Variants in EMSY observed in about 807,000 individuals in gnomAD.
The protein encoded by EMSY is BRCA2-interacting transcriptional repressor EMSY.
Under a neutral mutation model 134.6 loss-of-function variants are expected in EMSY, and 26 were observed. The observed-to-expected ratio is 0.19, with a 90% CI of 0.14 to 0.27. The LOEUF (loss-of-function observed/expected upper bound fraction) is 0.27, where lower values mean the gene tolerates loss of function less well. EMSY is among the 10% of genes least tolerant of loss of function. The pLI, the probability that EMSY is intolerant of heterozygous loss-of-function variation, is 1.00. For synonymous variants in EMSY, 579 were observed against 577.8 expected, an observed-to-expected ratio of 1.00 and a Z score of -0.03; for missense variants, 1,305 against 1,611.4, an observed-to-expected ratio of 0.81 and a Z score of 3.26.
intron 15 of EMSY, among the ~76,000 whole-genome samples, chr11:76,536,436 AGCAGGAG>A (rs1951227209): frequency 6.6e-6 from 1 of 152,254 alleles, no homozygotes; most frequent in African/African-American, 2.4e-5. Context: ...ATTGAAGAAT[AGCAGGAG>A]GCAGATTGAA....
At position 76,545,003 on chromosome 11, in the gene EMSY, A is replaced by G. The variant is rs1221298950; in HGVS notation, c.3273+181A>G. ...TTGACATTAGGGAAGAAATGCACGC[A>G]TTAATATGTAGGAAGAAAAAAAAGC... On this transcript the variant is annotated intron_variant, in intron 19 of 20. Transcript: ENST00000334736. The G allele has an allele frequency of 1.0e-5, 7 of 673,404 alleles. No homozygotes were observed. The African/African-American group carries it at 1.1e-4, about 10-fold the overall frequency. 41.7% of individuals were successfully genotyped at this position (673,404 alleles called of 1,614,324 possible).
At chr11:76,490,667 T>C (rs772362286) in intron 8 of EMSY, among the ~76,000 whole-genome samples, 1 of 152,244 alleles carries the variant, frequency 6.6e-6, no homozygotes, top group Non-Finnish European at 1.5e-5. Flanking sequence ...TGCTTCAAAC[T>C]GGTGATTTTC....
At chr11:76,514,634 A>T (rs959386329) in intron 10 of EMSY, among the ~76,000 whole-genome samples, 1 of 152,204 alleles carries the variant, frequency 6.6e-6, no homozygotes, top group African/African-American at 2.4e-5. Context: ...TCAAATATAT[A>T]GTTCATTGGC....
At chr11:76,486,012 C>G (rs1203259019) in intron 8 of EMSY, among the ~76,000 whole-genome samples, 1 of 152,196 alleles carries the variant, frequency 6.6e-6, no homozygotes, top group African/African-American at 2.4e-5. Context: ...AAATGCCCAT[C>G]AGTGGTAGAC....
chr11:76,451,805 A>G (rs1462418276), intron 2 of EMSY, 53 bp from the exon 3 acceptor site: 21 of 1,118,940 alleles, frequency 1.9e-5, no homozygotes, highest in Admixed American at 9.5e-5. Context: ...ATACATAGCC[A>G]TAGTATTAAA....
chr11:76,549,066 A>T (rs1951755041), intron 20 of EMSY, among the ~76,000 whole-genome samples: 1 of 152,232 alleles, frequency 6.6e-6, no homozygotes, highest in Non-Finnish European at 1.5e-5. Flanking sequence ...AAAATGTAAC[A>T]GAATGTAATA....
At chr11:76,544,141 T>C in intron 18 of EMSY, 118 bp from the exon 20 acceptor site, 1 of 1,076,874 alleles carries the variant, frequency 9.3e-7, no homozygotes, top group African/African-American at 1.6e-5. Flanking sequence ...TCTTGGCCTT[T>C]CTAGGTTCTT....
At chr11:76,527,238 C>T (rs1005121885) in intron 13 of EMSY, among the ~76,000 whole-genome samples, 4 of 151,872 alleles carry the variant, frequency 2.6e-5, no homozygotes, top group African/African-American at 9.7e-5. Flanking sequence ...AAATGCCATC[C>T]TAGAATTTTT....
At chr11:76,526,548 G>A (rs767597942) in exon 13 of EMSY, 124 of 1,613,614 alleles carry the variant, frequency 7.7e-5, no homozygotes, top group Non-Finnish European at 9.7e-5. Context: ...TGATTGTAAC[G>A]CAGCCAAAAG....
At chr11:76,533,529 T>C (rs1417764522) in intron 14 of EMSY, among the ~76,000 whole-genome samples, 1 of 152,146 alleles carries the variant, frequency 6.6e-6, no homozygotes, top group Admixed American at 6.6e-5. Context: ...GTGAAGATTA[T>C]AGTATAAGAT....
intron 7 of EMSY, among the ~76,000 whole-genome samples, chr11:76,466,487 A>T (rs539562878): frequency 2.6e-3 from 392 of 148,480 alleles, no homozygotes; most frequent in African/African-American, 9.4e-3. Flanking sequence ...TTTCCCTTTT[A>T]AAAAAAAATC....
At chr11:76,516,451 A>G in intron 11 of EMSY, 139 bp downstream of exon 12, 1 of 524,670 alleles carries the variant, frequency 1.9e-6, no homozygotes, top group Non-Finnish European at 3.1e-6. Flanking sequence ...CTTATGTTTC[A>G]TGATTAAATA....
At chr11:76,459,751 A>T in intron 5 of EMSY, 182 bp from the exon 7 acceptor site, 2 of 561,686 alleles carry the variant, frequency 3.6e-6, no homozygotes, top group Non-Finnish European at 6.0e-6. Flanking sequence ...AAATCTATTT[A>T]AGTGATAATT....
intron 6 of EMSY, 80 bp from the exon 8 acceptor site, chr11:76,463,741 G>A (rs1328491776): frequency 2.1e-6 from 3 of 1,456,268 alleles, no homozygotes. Context: ...GGACAAGGAT[G>A]ATATAAAGAT....
At chr11:76,535,010 A>G (rs752862775) in intron 14 of EMSY, among the ~76,000 whole-genome samples, 1 of 152,198 alleles carries the variant, frequency 6.6e-6, no homozygotes, top group Non-Finnish European at 1.5e-5. Context: ...CCTGTATAGC[A>G]TGAATATAAT....
intron 9 of EMSY, 138 bp from the exon 11 acceptor site, chr11:76,513,246 TAG>T: frequency 1.7e-6 from 1 of 597,720 alleles, no homozygotes; most frequent in Non-Finnish European, 2.6e-6. Flanking sequence ...AATAAAAGTT[TAG>T]AGTTTCATCA....
chr11:76,502,013 C>T (rs1590911226), intron 9 of EMSY, among the ~76,000 whole-genome samples: 1 of 146,988 alleles, frequency 6.8e-6, no homozygotes, highest in South Asian at 2.2e-4. Flanking sequence ...AACAATGAAG[C>T]CAGCAGGCAG....
At chr11:76,487,663 G>T (rs1949243894) in intron 8 of EMSY, among the ~76,000 whole-genome samples, 1 of 152,224 alleles carries the variant, frequency 6.6e-6, no homozygotes. Flanking sequence ...TGATGGTTCA[G>T]TGTATACAAA....
chr11:76,528,188 T>G, intron 13 of EMSY, 80 bp from the exon 15 acceptor site: 1 of 1,246,858 alleles, frequency 8.0e-7, no homozygotes, highest in South Asian at 1.4e-5. Context: ...CAGGAAAATA[T>G]TAGTTTATGA....
Sources: gnomAD v4.1 joint callset for allele counts (sites outside exome capture counted in the v4.1 genomes callset) on GRCh38, gnomAD v4.1.1 for gene constraint, MANE v1.5 for transcripts, NCBI Gene and HGNC (gene_info 2026-07-23, HGNC 2026-07-21) for gene names.